The following CHST11 variants were observed in gnomAD, a reference collection of about 807,000 sequenced individuals.
The protein encoded by CHST11 is C4S-1.
A neutral mutation model predicts 30.4 loss-of-function variants in CHST11; 9 were observed. The observed-to-expected ratio is 0.30, with a 90% confidence interval of 0.18 to 0.52. The LOEUF is 0.52. Among genes scored for constraint, CHST11 ranks in the 20% least tolerant of loss-of-function variants. The probability of loss-of-function intolerance (pLI) is 0.97; values close to 1 mark genes in which losing one functional copy is unlikely to be tolerated. For missense variants in CHST11, 348 were observed against 460.6 expected, an observed-to-expected ratio of 0.76 and a Z score of 2.24; for synonymous variants, 152 against 187.8, an observed-to-expected ratio of 0.81 and a Z score of 1.56.
intron 1 of CHST11, among the ~76,000 whole-genome samples, chr12:104,494,114 A>T (rs563986246): frequency 6.6e-6 from 1 of 152,140 alleles, no homozygotes; most frequent in Non-Finnish European, 1.5e-5. Flanking sequence ...GCCTAACAAG[A>T]TGTCTGTATG....
At chr12:104,499,930 A>AT (rs769012229) in intron 1 of CHST11, among the ~76,000 whole-genome samples, 38 of 152,138 alleles carry the variant, frequency 2.5e-4, no homozygotes, top group Non-Finnish European at 5.1e-4. Flanking sequence ...CTCCATCAGT[A>AT]TTTTTTTGAT....
rs1263578670 is a variant in CHST11, at chr12:104,758,892, G to A, written c.*1089G>A. The A allele has an allele frequency of 6.6e-6, 1 of 152,172 alleles. No homozygotes were observed. Among genetic ancestry groups the A allele is most frequent in the East Asian group, 1.9e-4 (1 of 5,202 alleles). The allele number at this position is 152,172 out of a possible 1,614,324, so 9.4% of individuals were successfully genotyped here. A position where few individuals can be genotyped will look rare whatever the true frequency, so the allele number is the denominator to read the frequency against. On this transcript the variant is annotated 3_prime_UTR_variant, in exon 3 of 3. Coordinates refer to ENST00000303694, the MANE Select transcript of CHST11 (RefSeq NM_018413.6). Reference sequence around the variant, plus strand: ...TATCATGTGCCTGCTCCAACTGATGGGTAATGTCTGCCTTTAAGCCCCAGA... The same window carrying A: ...TATCATGTGCCTGCTCCAACTGATGAGTAATGTCTGCCTTTAAGCCCCAGA...
intron 2 of CHST11, among the ~76,000 whole-genome samples, chr12:104,719,937 C>T (rs1287388872): frequency 1.3e-5 from 2 of 152,192 alleles, no homozygotes; most frequent in African/African-American, 2.4e-5. Flanking sequence ...GGAGGAAAAG[C>T]GGGAATGGTT....
intron 2 of CHST11, among the ~76,000 whole-genome samples, chr12:104,627,490 C>T (rs937851281): frequency 2.6e-5 from 4 of 152,282 alleles, no homozygotes; most frequent in African/African-American, 7.2e-5. Context: ...AGCAGATCAG[C>T]GCATACTCTC....
At chr12:104,671,424 G>A (rs2039696696) in intron 2 of CHST11, among the ~76,000 whole-genome samples, 1 of 152,136 alleles carries the variant, frequency 6.6e-6, no homozygotes, top group African/African-American at 2.4e-5. Flanking sequence ...TATTCGATGA[G>A]GAGAGCCACA....
chr12:104,557,565 G>T (rs1444255833), intron 1 of CHST11, among the ~76,000 whole-genome samples: 2 of 152,188 alleles, frequency 1.3e-5, no homozygotes, highest in African/African-American at 4.8e-5. Context: ...GCCCAGAGGG[G>T]AGAGGAGGGC....
At chr12:104,728,176 C>A (rs1226706681) in intron 2 of CHST11, among the ~76,000 whole-genome samples, 1 of 152,120 alleles carries the variant, frequency 6.6e-6, no homozygotes, top group Non-Finnish European at 1.5e-5. Flanking sequence ...GTAAGTGGTT[C>A]CTTTAGAAAC....
At chr12:104,628,694 T>A (rs940553893) in intron 2 of CHST11, among the ~76,000 whole-genome samples, 1 of 152,212 alleles carries the variant, frequency 6.6e-6, no homozygotes, top group Non-Finnish European at 1.5e-5. Context: ...GTTCCTCTGC[T>A]GTCCTTGCTT....
rs12582002 is a variant in CHST11, at chr12:104,519,801, G to T, written c.118+62272G>T. Among the ~76,000 whole-genome samples, 5 of 152,266 alleles carry T rather than the reference G, an allele frequency of 3.3e-5. No individual in the cohort carries two copies. In the East Asian group the frequency reaches 9.6e-4, roughly 29 times the overall value. On this transcript the variant is annotated intron_variant, in intron 1 of 2. Coordinates refer to ENST00000303694, the MANE Select transcript of CHST11 (RefSeq NM_018413.6). ...GCAGCATGGAAACATGGTTGAGTGG[G>T]GTTTGCCAAGATGGGATGATTTCCT...
intron 1 of CHST11, among the ~76,000 whole-genome samples, chr12:104,599,254 C>T (rs932531768): frequency 3.3e-5 from 5 of 152,288 alleles, no homozygotes; most frequent in South Asian, 2.1e-4. Context: ...AGGCCCCACA[C>T]GGTCAAAGCA....
chr12:104,709,118 G>A (rs2040062389), intron 2 of CHST11, among the ~76,000 whole-genome samples: 1 of 152,228 alleles, frequency 6.6e-6, no homozygotes. Context: ...AGCAGCAGAT[G>A]TCAATGACAA....
At chr12:104,575,324 G>C (rs1451868837) in intron 1 of CHST11, among the ~76,000 whole-genome samples, 1 of 152,206 alleles carries the variant, frequency 6.6e-6, no homozygotes, top group African/African-American at 2.4e-5. Context: ...AGTGTCTGCT[G>C]TGTGCCAGAC....
At chr12:104,477,896 C>T (rs1021021873) in intron 1 of CHST11, among the ~76,000 whole-genome samples, 1 of 152,154 alleles carries the variant, frequency 6.6e-6, no homozygotes, top group Admixed American at 6.5e-5. Flanking sequence ...ACTCAATTGT[C>T]CTCAACTGAT....
chr12:104,487,541 C>G (rs2037693733), intron 1 of CHST11, among the ~76,000 whole-genome samples: 1 of 152,214 alleles, frequency 6.6e-6, no homozygotes, highest in Non-Finnish European at 1.5e-5. Context: ...GTATTACAGG[C>G]ATGAGCCATT....
chr12:104,568,684 G>T (rs2038593592), intron 1 of CHST11, among the ~76,000 whole-genome samples: 1 of 152,036 alleles, frequency 6.6e-6, no homozygotes, highest in South Asian at 2.1e-4. Flanking sequence ...ACTTAAACCT[G>T]CAGGCAGTAT....
At chr12:104,488,623 A>G (rs1323685862) in intron 1 of CHST11, among the ~76,000 whole-genome samples, 3 of 99,840 alleles carry the variant, frequency 3.0e-5, no homozygotes, top group Admixed American at 1.0e-4. Context: ...GTATGTGTGC[A>G]TGTATGTGTG....
chr12:104,652,580 C>A (rs1057027273), intron 2 of CHST11, among the ~76,000 whole-genome samples: 1 of 152,214 alleles, frequency 6.6e-6, no homozygotes, highest in African/African-American at 2.4e-5. Context: ...TATTTTATTG[C>A]AGCTGTATTT....
chr12:104,753,567 T>G (rs1037559744), intron 2 of CHST11, among the ~76,000 whole-genome samples: 37 of 152,228 alleles, frequency 2.4e-4, no homozygotes, highest in Admixed American at 2.4e-3. Flanking sequence ...TGGGGACCCA[T>G]GACCACTGGG....
chr12:104,486,127 C>T (rs901625481), intron 1 of CHST11, among the ~76,000 whole-genome samples: 1 of 152,160 alleles, frequency 6.6e-6, no homozygotes, highest in African/African-American at 2.4e-5. Flanking sequence ...GTGAATTTCA[C>T]TTTGCTGGGT....
Sources: allele counts gnomAD v4.1 joint callset (sites outside exome capture counted in the v4.1 genomes callset), GRCh38; gene constraint gnomAD v4.1.1; transcripts MANE v1.5; gene names NCBI Gene and HGNC (gene_info 2026-07-23, HGNC 2026-07-21).